The following CD96 variants were observed in gnomAD, a reference collection of about 807,000 sequenced individuals.
The protein encoded by CD96 is CD96 molecule, also known as T-cell surface protein tactile.
In CD96, 70 loss-of-function variants were observed where a neutral mutation model predicts 71.3. That is an observed-to-expected ratio of 0.98 (90% CI 0.81 to 1.20). CD96 has a LOEUF of 1.20. Among genes scored for constraint, CD96 ranks in the 50% most tolerant of loss-of-function variants. The pLI is 0.00. For synonymous variants in CD96, 248 were observed against 233.0 expected (o/e 1.06, Z -0.59); for missense variants, 742 against 677.5 (o/e 1.10, Z -1.06).
At chr3:111,609,160 C>G (rs983074706) in intron 8 of CD96, among the ~76,000 whole-genome samples, 1 of 152,078 alleles carries the variant, frequency 6.6e-6, no homozygotes, top group African/African-American at 2.4e-5. Flanking sequence ...TGTGCAGTGA[C>G]AAAGATGTTT....
intron 4 of CD96, among the ~76,000 whole-genome samples, chr3:111,581,066 T>C (rs190475637): frequency 2.0e-5 from 3 of 152,340 alleles, no homozygotes; most frequent in East Asian, 1.9e-4. Context: ...TCTATCTTGA[T>C]CTTAAATGTT....
intron 4 of CD96, among the ~76,000 whole-genome samples, chr3:111,584,647 G>A (rs4682289): frequency 0.94 from 143,420 of 152,240 alleles, 67,696 homozygotes; most frequent in Middle Eastern, 0.98. Flanking sequence ...GCAAAGGCGG[G>A]AATCCCTGAT....
In CD96 at chr3:111,576,646, A is replaced by AT. The variant is rs368699947; in HGVS notation, c.544-2376dup. 4.8e-3 allele frequency among the ~76,000 whole-genome samples: 733 copies of AT among 152,272 alleles called. 5 individuals carry two copies. The highest frequency in any genetic ancestry group is 0.017 in the African/African-American group (693 of 41,536). ...CTTACTTTGTGTGATCTTTGATCAAATTTTTAACCTCAATTTATTCTACAT... is the reference window on the plus strand; with the variant it reads ...CTTACTTTGTGTGATCTTTGATCAAATTTTTTAACCTCAATTTATTCTACAT... On this transcript the variant is annotated intron_variant, in intron 3 of 13. Coordinates refer to ENST00000352690, the MANE Select transcript of CD96 (RefSeq NM_005816.5).
intron 12 of CD96, among the ~76,000 whole-genome samples, chr3:111,639,334 C>T (rs1190818386): frequency 3.3e-5 from 5 of 151,712 alleles, no homozygotes; most frequent in African/African-American, 4.8e-5. Context: ...TGTAGGAGTT[C>T]GGTGAGGCCT....
At chr3:111,626,419 G>C (rs1446560081) in intron 10 of CD96, among the ~76,000 whole-genome samples, 1 of 148,310 alleles carries the variant, frequency 6.7e-6, no homozygotes, top group Non-Finnish European at 1.5e-5. Flanking sequence ...CAAAAATTAA[G>C]AAATCTGATA....
rs549290588 is a variant in CD96, at chr3:111,623,933, G to A, written c.1249+111G>A. 6.4e-6 allele frequency: 5 copies of A among 779,498 alleles called. No individual in the cohort carries two copies. The South Asian group carries it at 7.1e-5, about 11-fold the overall frequency. 48.3% of individuals were successfully genotyped at this position (779,498 alleles called of 1,614,324 possible). A position where few individuals can be genotyped will look rare whatever the true frequency, so the allele number is the denominator to read the frequency against. ...CAGCAAACAGCTGTATTTTTCATTT[G>A]ATGTTTGTTAATATCTTGGTTTTGG... On this transcript the variant is annotated intron_variant, in intron 9 of 13. Coordinates refer to ENST00000352690, the MANE Select transcript of CD96 (RefSeq NM_005816.5).
At chr3:111,552,614 C>A (rs1934773563) in intron 2 of CD96, among the ~76,000 whole-genome samples, 1 of 152,050 alleles carries the variant, frequency 6.6e-6, no homozygotes, top group African/African-American at 2.4e-5. Flanking sequence ...TAAAAAGCAT[C>A]ACAGAGAATA....
At chr3:111,542,404 A>ATTGATCACCACTGCTGAAG in intron 1 of CD96, 95 bp downstream of exon 1, 1 of 937,770 alleles carries the variant, frequency 1.1e-6, no homozygotes, top group African/African-American at 1.6e-5. Context: ...TGCTGCTGAA[A>ATTGATCACCACTGCTGAAG]TTGATCACCA....
At chr3:111,591,129 C>T (rs1045891188) in intron 5 of CD96, among the ~76,000 whole-genome samples, 1 of 152,160 alleles carries the variant, frequency 6.6e-6, no homozygotes, top group Admixed American at 6.5e-5. Context: ...AATCCCAACA[C>T]TTTGGGAGGC....
downstream of CD96, among the ~76,000 whole-genome samples, chr3:111,652,950 G>GA (rs1405554087): frequency 6.6e-6 from 1 of 151,636 alleles, no homozygotes; most frequent in African/African-American, 2.4e-5. Flanking sequence ...TTTTCACTGA[G>GA]AAAAAGCCAT....
intron 8 of CD96, among the ~76,000 whole-genome samples, chr3:111,611,080 G>T (rs1193680266): frequency 6.6e-6 from 1 of 152,130 alleles, no homozygotes; most frequent in African/African-American, 2.4e-5. Context: ...CTTTGGCTCT[G>T]CCTCCTATTG....
chr3:111,648,527 C>CA (rs1402597501), intron 13 of CD96, among the ~76,000 whole-genome samples: 2 of 151,922 alleles, frequency 1.3e-5, no homozygotes, highest in African/African-American at 2.4e-5. Flanking sequence ...CATAATTCCC[C>CA]AAAAAACAAA....
rs147519061 is a variant in CD96 at position 111,645,119 on chromosome 3, C to T, written c.1478-2424C>T. On this transcript the variant is annotated intron_variant, in intron 12 of 13. Transcript: ENST00000352690. The stretch of plus-strand genomic sequence containing the variant: ...AAATCGTGGAACCAACCCAAATGCC[C>T]ATCAATCAATGAGTGGATAAAGAAA... Among the ~76,000 whole-genome samples, 180 of 152,206 alleles carry T rather than the reference C, an allele frequency of 1.2e-3. 1 individual carries two copies. Among genetic ancestry groups the T allele is most frequent in the Middle Eastern group, 6.8e-3 (2 of 294 alleles).
chr3:111,593,877 C>T (rs771702222), intron 5 of CD96: 1 of 1,613,780 alleles, frequency 6.2e-7, no homozygotes, highest in South Asian at 1.1e-5. Context: ...TTCTCCAGCT[C>T]CTCTCTGTGC....
At chr3:111,562,044 G>A (rs1242998052) in intron 2 of CD96, among the ~76,000 whole-genome samples, 1 of 152,226 alleles carries the variant, frequency 6.6e-6, no homozygotes, top group Non-Finnish European at 1.5e-5. Context: ...CCCAGGTGAG[G>A]CAATGCCTCG....
chr3:111,623,631 T>C (rs1224485829), intron 8 of CD96, 123 bp from the exon 9 acceptor site: 1 of 701,278 alleles, frequency 1.4e-6, no homozygotes, highest in Non-Finnish European at 2.6e-6. Flanking sequence ...ATTTATAAAA[T>C]GAGGCTGTTC....
At position 111,545,362 on chromosome 3, in the gene CD96, C is replaced by T. The variant is rs374006661; in HGVS notation, c.378C>T (p.Gly126=). Reference sequence around the variant, plus strand: ...GTATGCTTGTTCTGTATCCAGAGGGCATTCAGACTAAAATCTACAACCTTC... The same window carrying T: ...GTATGCTTGTTCTGTATCCAGAGGGTATTCAGACTAAAATCTACAACCTTC... ...YECMLVLYPE[G]IQTKIYNLLI... is the part of the protein sequence containing the mutation. The change falls in exon 2 of 14, where the codon GGC becomes GGT. Residue 126 remains glycine, a synonymous_variant. Transcript: ENST00000352690. 38 of 1,612,528 alleles carry T rather than the reference C, an allele frequency of 2.4e-5. No individual in the cohort carries two copies. The highest frequency in any genetic ancestry group is 3.0e-5 in the Non-Finnish European group (35 of 1,178,672).
chr3:111,664,335 G>C (rs1940430486), intron 14 of CD96, among the ~76,000 whole-genome samples: 2 of 152,074 alleles, frequency 1.3e-5, no homozygotes, highest in African/African-American at 4.8e-5. Context: ...CCATTAAAAA[G>C]AATGAAATCA....
Position 111,649,791 on chromosome 3 carries a change from G to A in CD96, c.1695G>A (p.Glu565=), listed in dbSNP as rs547635787. Reference sequence around the variant, plus strand: ...ACGAAAGTGATCTGCCTTATCATGAGATGGAGACCCTCTAGTCTCGTGAGA... The same window carrying A: ...ACGAAAGTGATCTGCCTTATCATGAAATGGAGACCCTCTAGTCTCGTGAGA... ...EPNESDLPYH[E]METL The change falls in exon 14 of 14, where the codon GAG becomes GAA. Residue 565 remains glutamate, a synonymous_variant. Transcript: ENST00000352690. 1.9e-6 allele frequency: 3 copies of A among 1,602,086 alleles called. No individual in the cohort carries two copies. The South Asian group carries it at 3.3e-5, about 18-fold the overall frequency.
Sources: allele counts gnomAD v4.1 joint callset (sites outside exome capture counted in the v4.1 genomes callset), GRCh38; gene constraint gnomAD v4.1.1; transcripts MANE v1.5; gene names NCBI Gene and HGNC (gene_info 2026-07-23, HGNC 2026-07-21).